The following RAB27A variants were observed in gnomAD, a reference collection of about 807,000 sequenced individuals.
The protein encoded by RAB27A is ras-related protein Rab-27A.
Under a neutral mutation model 20.8 loss-of-function variants are expected in RAB27A, and 17 were observed. That is an observed-to-expected ratio of 0.82 (90% CI 0.56 to 1.23). The LOEUF (loss-of-function observed/expected upper bound fraction) is 1.23. Ranked by LOEUF, RAB27A falls within the 50% of genes most tolerant of loss-of-function variation. The probability of loss-of-function intolerance (pLI) is 0.00; values close to 1 mark genes in which losing one functional copy is unlikely to be tolerated. For synonymous variants in RAB27A, 85 were observed against 92.8 expected (o/e 0.92, Z 0.48); for missense variants, 277 against 266.7 (o/e 1.04, Z -0.27).
At position 55,210,121 on chromosome 15, in the gene RAB27A, T is replaced by C. The variant is rs538210754; in HGVS notation, c.468-4416A>G. On this transcript the variant is annotated intron_variant, in intron 6 of 6. Coordinates refer to ENST00000336787, the MANE Select transcript of RAB27A (RefSeq NM_183235.3). ...GTGTATATATACACACATACACATA[T>C]GTATATATAGTGTATATATGTATGT... Among the ~76,000 whole-genome samples the C allele has an allele frequency of 2.4e-3, 331 of 140,588 alleles. 1 individual carries two copies. The highest frequency in any genetic ancestry group is 4.1e-3 in the Non-Finnish European group (266 of 65,240). The allele number at this position is 140,588 out of a possible 152,430, so 92.2% of individuals were successfully genotyped here.
At chr15:55,290,330 C>G (rs1445307640), upstream of RAB27A, 2 of 152,228 alleles carry the variant, frequency 1.3e-5, no homozygotes, top group African/African-American at 4.8e-5. Flanking sequence ...GGCTTCCCGC[C>G]CCTGCGGCTC....
At chr15:55,271,701 A>C (rs1897712050) in intron 1 of RAB27A, among the ~76,000 whole-genome samples, 1 of 152,228 alleles carries the variant, frequency 6.6e-6, no homozygotes, top group South Asian at 2.1e-4. Flanking sequence ...TTCACCCCAC[A>C]ATCACTTATT....
At chr15:55,308,369 A>T (rs2055006900) in intron 2 of RAB27A, among the ~76,000 whole-genome samples, 1 of 152,190 alleles carries the variant, frequency 6.6e-6, no homozygotes, top group South Asian at 2.1e-4. Flanking sequence ...GCATACTTAG[A>T]GTCTGTATAT....
intron 1 of RAB27A, among the ~76,000 whole-genome samples, chr15:55,316,193 C>T (rs960667035): frequency 6.6e-6 from 1 of 150,546 alleles, no homozygotes; most frequent in African/African-American, 2.5e-5. Context: ...CAATATTGCG[C>T]CACTGCGCTC....
chr15:55,282,959 A>G (rs921956418), intron 1 of RAB27A, among the ~76,000 whole-genome samples: 2 of 152,048 alleles, frequency 1.3e-5, no homozygotes, highest in Admixed American at 6.5e-5. Flanking sequence ...CCTACCCCAC[A>G]TTTACTGACT....
intron 2 of RAB27A, among the ~76,000 whole-genome samples, chr15:55,260,647 G>A (rs775729191): frequency 6.6e-6 from 1 of 152,198 alleles, no homozygotes; most frequent in Non-Finnish European, 1.5e-5. Flanking sequence ...AAACATGGAA[G>A]AACCTTAAAT....
At chr15:55,205,901 G>A (rs1879589097) in intron 6 of RAB27A, among the ~76,000 whole-genome samples, 196 bp from the exon 7 acceptor site, 1 of 151,990 alleles carries the variant, frequency 6.6e-6, no homozygotes, top group South Asian at 2.1e-4. Context: ...ATGCAAAACT[G>A]GAAATTTTAG....
At chr15:55,241,313 G>C (rs1211497830) in intron 2 of RAB27A, among the ~76,000 whole-genome samples, 1 of 151,950 alleles carries the variant, frequency 6.6e-6, no homozygotes, top group African/African-American at 2.4e-5. Flanking sequence ...ATATGCAAAA[G>C]ACTTTCTTAT....
chr15:55,303,759 C>G (rs1205772099), intron 2 of RAB27A, among the ~76,000 whole-genome samples: 1 of 136,466 alleles, frequency 7.3e-6, no homozygotes, highest in Non-Finnish European at 1.6e-5. Context: ...CCCCTCTGCC[C>G]GGCCAGCCGC....
At chr15:55,276,967 G>T (rs1897891312) in intron 1 of RAB27A, among the ~76,000 whole-genome samples, 1 of 152,108 alleles carries the variant, frequency 6.6e-6, no homozygotes, top group African/African-American at 2.4e-5. Flanking sequence ...AATATGTACA[G>T]ACTTTTTATC....
chr15:55,204,268 T>C lies in RAB27A; in HGVS notation c.*1239A>G, dbSNP rs1894536970. The C allele has an allele frequency of 6.6e-6, 1 of 152,186 alleles. No homozygotes were observed. The highest frequency in any genetic ancestry group is 1.5e-5 in the Non-Finnish European group (1 of 68,034). 9.4% of individuals were successfully genotyped at this position (152,186 alleles called of 1,614,324 possible). On this transcript the variant is annotated 3_prime_UTR_variant, in exon 7 of 7. Coordinates refer to ENST00000336787, the MANE Select transcript of RAB27A (RefSeq NM_183235.3). ...CCATGAAACATATATTAAAACCACC[T>C]TTAATTTGGTATGAAGACACTTTGG...
rs1054239133 is a variant in RAB27A, at chr15:55,207,665, TTTTTTG to T, written c.468-1966_468-1961del. Among the ~76,000 whole-genome samples the T allele has an allele frequency of 3.9e-5, 6 of 152,232 alleles. No homozygotes were observed. The East Asian group carries it at 9.7e-4, about 24-fold the overall frequency. Reference sequence around the variant, plus strand: ...TGGCTAATGCAACCAAAAATGCGACTTTTTTGTTTTTGTTTTTGTTTTGTTTTGTTT... The same window carrying T: ...TGGCTAATGCAACCAAAAATGCGACTTTTTTGTTTTTGTTTTGTTTTGTTT... On this transcript the variant is annotated intron_variant, in intron 6 of 6. Coordinates refer to ENST00000336787, the MANE Select transcript of RAB27A (RefSeq NM_183235.3).
At chr15:55,216,750 G>A (rs180742049) in intron 6 of RAB27A, among the ~76,000 whole-genome samples, 209 of 152,138 alleles carry the variant, frequency 1.4e-3, no homozygotes, top group African/African-American at 3.8e-3. Flanking sequence ...CTGGGACCAC[G>A]CCTCCCTACA....
intron 1 of RAB27A, among the ~76,000 whole-genome samples, chr15:55,278,640 G>A (rs981760719): frequency 1.7e-4 from 26 of 152,040 alleles, no homozygotes; most frequent in African/African-American, 5.3e-4. Context: ...CCGCCACCAC[G>A]TCTGGCTAAT....
intron 6 of RAB27A, among the ~76,000 whole-genome samples, chr15:55,213,139 A>G (rs1416664257): frequency 1.3e-5 from 2 of 152,234 alleles, no homozygotes; most frequent in Non-Finnish European, 1.5e-5. Context: ...CTTAGATATC[A>G]AAACAACAAA....
At position 55,216,450 on chromosome 15, in the gene RAB27A, T is replaced by C. The variant is rs371978838; in HGVS notation, c.467+7439A>G. ...AGGGAGGCTGAGACGGGAGATCTCTTGAACACAGGAGGCAGAGGTTGCAGT... is the reference window on the plus strand; with the variant it reads ...AGGGAGGCTGAGACGGGAGATCTCTCGAACACAGGAGGCAGAGGTTGCAGT... On this transcript the variant is annotated intron_variant, in intron 6 of 6. Transcript: ENST00000336787. 2.0e-5 allele frequency among the ~76,000 whole-genome samples: 3 copies of C among 151,938 alleles called. No homozygotes were observed. In the East Asian group the frequency reaches 5.8e-4, roughly 29 times the overall value.
rs1340780601 is a variant in RAB27A, at chr15:55,233,303, A to C, written c.153+1479T>G. 2.0e-5 allele frequency among the ~76,000 whole-genome samples: 3 copies of C among 152,152 alleles called. No homozygotes were observed. In the East Asian group the frequency reaches 5.8e-4, roughly 29 times the overall value. ...CAGTATTAAAATTAAGTTGCTATTAATCAAAATTAGATTGTGAAAAATTAA... is the reference window on the plus strand; with the variant it reads ...CAGTATTAAAATTAAGTTGCTATTACTCAAAATTAGATTGTGAAAAATTAA... On this transcript the variant is annotated intron_variant, in intron 3 of 6. Transcript: ENST00000336787.
chr15:55,308,067 C>T (rs2055005772), intron 2 of RAB27A, among the ~76,000 whole-genome samples: 1 of 152,160 alleles, frequency 6.6e-6, no homozygotes, highest in Admixed American at 6.5e-5. Flanking sequence ...AGTACTGGGG[C>T]TTGGTTTCCC....
chr15:55,204,873 C>G lies in RAB27A; in HGVS notation c.*634G>C, dbSNP rs1204614323. On this transcript the variant is annotated 3_prime_UTR_variant, in exon 7 of 7. Coordinates refer to ENST00000336787, the MANE Select transcript of RAB27A (RefSeq NM_183235.3). Reference sequence around the variant, plus strand: ...CTGCCCCACCCCAATCCCCTTCCCACCAATAAAAAAGTCACCGTGAGTGTA... The same window carrying G: ...CTGCCCCACCCCAATCCCCTTCCCAGCAATAAAAAAGTCACCGTGAGTGTA... The G allele has an allele frequency of 6.5e-6, 1 of 153,352 alleles. No individual in the cohort carries two copies. The highest frequency in any genetic ancestry group is 1.5e-5 in the Non-Finnish European group (1 of 68,934). The allele number at this position is 153,352 out of a possible 1,614,324, so 9.5% of individuals were successfully genotyped here.
Sources: allele counts gnomAD v4.1 joint callset (sites outside exome capture counted in the v4.1 genomes callset), GRCh38; gene constraint gnomAD v4.1.1; transcripts MANE v1.5; gene names NCBI Gene and HGNC (gene_info 2026-07-23, HGNC 2026-07-21).